SENP2: variants seen among roughly 807,000 people sequenced by gnomAD.
SENP2 encodes sentrin-specific protease 2.
SENP2 carries 16 observed loss-of-function variants against 86.3 expected under a neutral mutation model. The observed-to-expected ratio is 0.19, with a 90% CI of 0.13 to 0.28. SENP2 has a LOEUF of 0.28. Ranked by LOEUF, SENP2 falls within the 10% of genes least tolerant of loss-of-function variation. The pLI is 1.00. For missense variants in SENP2, 552 were observed against 703.0 expected (o/e 0.79, Z 2.43); for synonymous variants, 222 against 238.7 (o/e 0.93, Z 0.64).
At chr3:185,623,469 G>A (rs1216515608) in intron 14 of SENP2, among the ~76,000 whole-genome samples, 1 of 151,980 alleles carries the variant, frequency 6.6e-6, no homozygotes, top group Non-Finnish European at 1.5e-5. Context: ...AATTTTGGTG[G>A]GGGCATCTAA....
chr3:185,611,601 G>A, intron 7 of SENP2, 50 bp from the exon 8 acceptor site: 1 of 1,186,572 alleles, frequency 8.4e-7, no homozygotes, highest in South Asian at 1.2e-5. Flanking sequence ...GCATATTAAT[G>A]GTAGACTTTG....
chr3:185,613,285 G>A, intron 9 of SENP2, 60 bp from the exon 10 acceptor site: 1 of 929,598 alleles, frequency 1.1e-6, no homozygotes, highest in South Asian at 1.5e-5. Flanking sequence ...TCTAAAACTA[G>A]GATGTACTAG....
chr3:185,590,709 T>C (rs1482416493), intron 2 of SENP2, among the ~76,000 whole-genome samples: 1 of 142,414 alleles, frequency 7.0e-6, no homozygotes, highest in South Asian at 2.2e-4. Flanking sequence ...CTACTAAACA[T>C]TAAAAAATTA....
chr3:185,589,726 G>A lies in SENP2; in HGVS notation c.102-388G>A, dbSNP rs778450439. ...ACTCTTTTGATTAGGCTGGAGTGCA[G>A]TGGCATGACCTGGGCTCACTGCAGC... On this transcript the variant is annotated intron_variant, in intron 1 of 16. Transcript: ENST00000296257. Among the ~76,000 whole-genome samples the A allele has an allele frequency of 8.5e-4, 130 of 152,282 alleles. 2 individuals are homozygous for A. The highest frequency in any genetic ancestry group is 3.4e-3 in the Middle Eastern group (1 of 294).
chr3:185,630,101 A>C lies in SENP2; in HGVS notation c.*257A>C. The C allele has an allele frequency of 2.8e-6, 1 of 361,174 alleles. No homozygotes were observed. The highest frequency in any genetic ancestry group is 5.1e-6 in the Non-Finnish European group (1 of 195,924). 22.4% of individuals were successfully genotyped at this position (361,174 alleles called of 1,614,324 possible). A position where few individuals can be genotyped will look rare whatever the true frequency, so the allele number is the denominator to read the frequency against. On this transcript the variant is annotated 3_prime_UTR_variant, in exon 17 of 17. Transcript: ENST00000296257. ...CCCACACAAGAACAAACGCTAACTAATATTTTTTTTAAGAGATTCTTTTCC... is the reference window on the plus strand; with the variant it reads ...CCCACACAAGAACAAACGCTAACTACTATTTTTTTTAAGAGATTCTTTTCC...
intron 1 of SENP2, among the ~76,000 whole-genome samples, chr3:185,589,012 C>T (rs957114387): frequency 6.6e-6 from 1 of 152,070 alleles, no homozygotes; most frequent in Non-Finnish European, 1.5e-5. Context: ...TGAAGCCCGG[C>T]AGGGCTTGTT....
intron 15 of SENP2, 64 bp from the exon 16 acceptor site, chr3:185,626,234 C>A: frequency 9.4e-7 from 1 of 1,066,566 alleles, no homozygotes; most frequent in Non-Finnish European, 1.4e-6. Context: ...TAGAAAAAGT[C>A]CAAGGAATTT....
At position 185,621,932 on chromosome 3, in the gene SENP2, C is replaced by T. The variant is rs369774061; in HGVS notation, c.1526+27C>T. 404 of 1,462,332 alleles carry T rather than the reference C, an allele frequency of 2.8e-4. 3 individuals are homozygous for T. Among genetic ancestry groups the T allele is most frequent in the Middle Eastern group, 3.5e-4 (2 of 5,774 alleles). The allele number at this position is 1,462,332 out of a possible 1,614,324, so 90.6% of individuals were successfully genotyped here. A position where few individuals can be genotyped will look rare whatever the true frequency, so the allele number is the denominator to read the frequency against. On this transcript the variant is annotated intron_variant, in intron 14 of 16. Coordinates refer to ENST00000296257, the MANE Select transcript of SENP2 (RefSeq NM_021627.3). ...TAAGTAAAGGTTGAAAACCTCACTA[C>T]CCCCTGTTGAGGTGATCTCTCTTTT... is the stretch of plus-strand genomic sequence containing the variant.
intron 3 of SENP2, among the ~76,000 whole-genome samples, 192 bp downstream of exon 3, chr3:185,598,737 G>A (rs1199459788): frequency 6.6e-6 from 1 of 152,136 alleles, no homozygotes; most frequent in Non-Finnish European, 1.5e-5. Flanking sequence ...TGTTTACAAA[G>A]AGCTAAATAT....
rs773409316 is a variant in SENP2, at chr3:185,620,686, C to T, written c.1447-1140C>T. On this transcript the variant is annotated intron_variant, in intron 13 of 16. Transcript: ENST00000296257. ...GTCTTGAACTCCTGACCTCGTGATC[C>T]GCCACCTCAGCCTCCCAAAGTGCTG... Among the ~76,000 whole-genome samples, 25 of 150,000 alleles carry T rather than the reference C, an allele frequency of 1.7e-4. 1 individual carries two copies. In the Middle Eastern group the frequency reaches 0.02, roughly 118 times the overall value.
In SENP2 at chr3:185,586,625, G is replaced by T. The variant is rs1185073890; in HGVS notation, c.101+111G>T. On this transcript the variant is annotated intron_variant, in intron 1 of 16. Transcript: ENST00000296257. This position sits in a 1 kb window ranked among gnomAD's most constrained non-coding sequence, Gnocchi z 4.3. ...CAGGCTCACCCGAAACAGGTCGCCG[G>T]GATCCTAGTGACGTAGTCGCTCCCG... The T allele has an allele frequency of 4.0e-6, 4 of 991,440 alleles. No homozygotes were observed. The highest frequency in any genetic ancestry group is 4.6e-6 in the Non-Finnish European group (3 of 655,956). The allele number at this position is 991,440 out of a possible 1,614,324, so 61.4% of individuals were successfully genotyped here. A position where few individuals can be genotyped will look rare whatever the true frequency, so the allele number is the denominator to read the frequency against.
intron 2 of SENP2, among the ~76,000 whole-genome samples, chr3:185,592,085 T>A (rs185231183): frequency 0.013 from 1,806 of 141,066 alleles, 14 homozygotes; most frequent in Middle Eastern, 0.022. Flanking sequence ...TTTTTTTTTT[T>A]AATTTTGTAA....
chr3:185,601,551 T>G (rs1722345989), intron 5 of SENP2, among the ~76,000 whole-genome samples: 1 of 152,186 alleles, frequency 6.6e-6, no homozygotes, highest in Non-Finnish European at 1.5e-5. Flanking sequence ...GTTTTCTTAC[T>G]TTCCTTTGTA....
chr3:185,607,338 T>TG (rs1310861167), intron 6 of SENP2, among the ~76,000 whole-genome samples: 2 of 144,950 alleles, frequency 1.4e-5, no homozygotes, highest in African/African-American at 5.1e-5. Flanking sequence ...TTTTTTTTTT[T>TG]TTTTTTTGAG....
chr3:185,623,621 G>A (rs1711992767), intron 14 of SENP2, among the ~76,000 whole-genome samples: 2 of 151,786 alleles, frequency 1.3e-5, no homozygotes, highest in Admixed American at 6.6e-5. Flanking sequence ...TCAGGAGATC[G>A]AGACCATCCT....
rs767961962 is a variant in SENP2, at chr3:185,598,459, T to A, written c.205T>A (p.Leu69Ile). Residue 69 changes from leucine (L) to isoleucine (I), a missense_variant, in exon 3 of 17, where the codon TTA (leucine) becomes ATA (isoleucine). Physicochemically the swap from Leu to Ile is conservative, Grantham distance 5. Coordinates refer to ENST00000296257, the MANE Select transcript of SENP2 (RefSeq NM_021627.3). ...AAACAGTCTCTACAATGCTGCCAGC[T>A]TATTTGGATTCCCATTCCAGCTGAC... ...VKNSLYNAAS[L>I]FGFPFQLTTK... The A allele has an allele frequency of 6.2e-7, 1 of 1,614,158 alleles. No individual in the cohort carries two copies. The highest frequency in any genetic ancestry group is 8.5e-7 in the Non-Finnish European group (1 of 1,179,998).
Position 185,609,702 on chromosome 3 carries a change from C to T in SENP2, c.722+352C>T, listed in dbSNP as rs181051856. ...CTCTCTCTACCTCCCTTCCCCACCC[C>T]ACTCCTGCCCCTCTCTCCATTTCTC... is the stretch of plus-strand genomic sequence containing the variant. On this transcript the variant is annotated intron_variant, in intron 7 of 16. Transcript: ENST00000296257. Among the ~76,000 whole-genome samples, 105 of 152,066 alleles carry T rather than the reference C, an allele frequency of 6.9e-4. 2 individuals carry two copies. The highest frequency in any genetic ancestry group is 1.5e-3 in the South Asian group (7 of 4,812).
chr3:185,621,935 C>CCT (rs1577742779), intron 14 of SENP2, 30 bp downstream of exon 14: 1 of 1,406,106 alleles, frequency 7.1e-7, no homozygotes, highest in Non-Finnish European at 1.0e-6. Context: ...CTCACTACCC[C>CCT]CTGTTGAGGT....
At chr3:185,624,440 C>T (rs575293308) in intron 15 of SENP2, among the ~76,000 whole-genome samples, 1 of 152,252 alleles carries the variant, frequency 6.6e-6, no homozygotes, top group African/African-American at 2.4e-5. Context: ...ATGTCTCTCA[C>T]AGAATTGGGA....
Sources: allele counts gnomAD v4.1 joint callset (sites outside exome capture counted in the v4.1 genomes callset), GRCh38; gene constraint gnomAD v4.1.1; non-coding constraint Gnocchi (gnomAD v3.1); transcripts MANE v1.5; gene names NCBI Gene and HGNC (gene_info 2026-07-23, HGNC 2026-07-21).